Variants in CNIH4 observed in about 807,000 individuals in gnomAD.
CNIH4 encodes cornichon family member 4.
A neutral mutation model predicts 21.5 loss-of-function variants in CNIH4; 9 were observed. That is an observed-to-expected ratio of 0.42 (90% CI 0.25 to 0.73). The LOEUF is 0.73. CNIH4 is among the 30% of genes least tolerant of loss of function. The pLI, the probability that CNIH4 is intolerant of heterozygous loss-of-function variation, is 0.27. For synonymous variants in CNIH4, 67 were observed against 59.1 expected (o/e 1.13, Z -0.61); for missense variants, 159 against 170.0 (o/e 0.94, Z 0.36).
Position 224,379,399 on chromosome 1 carries a change from C to CTAACA in CNIH4, c.*3578_*3582dup, listed in dbSNP as rs1672858933. On this transcript the variant is annotated 3_prime_UTR_variant, in exon 5 of 5. Transcript: ENST00000465271. ...ATCTTCTTCCTTCTGCTCTTGGCAC[C>CTAACA]TAACACAGTGCCTTGCACACAAACA... The CTAACA allele has an allele frequency of 2.6e-6, 1 of 388,222 alleles. No homozygotes were observed. The highest frequency in any genetic ancestry group is 4.8e-6 in the Non-Finnish European group (1 of 206,456). The allele number at this position is 388,222 out of a possible 1,614,324, so 24.0% of individuals were successfully genotyped here.
chr1:224,356,933 G>C lies in CNIH4; in HGVS notation c.9G>C (p.Ala3=), dbSNP rs752728512. The C allele has an allele frequency of 2.5e-6, 4 of 1,610,154 alleles. No homozygotes were observed. The highest frequency in any genetic ancestry group is 1.1e-5 in the South Asian group (1 of 90,098). Residue 3 remains alanine, a synonymous_variant, in exon 1 of 5, where the codon GCG becomes GCC. Transcript: ENST00000465271. The part of the protein sequence containing the change: ME[A]VVFVFSLLDC... ...GGCGACGGAGGAGGAGGATGGAGGC[G>C]GTGGTGTTCGTCTTCTCTCTCCTCG... is the stretch of plus-strand genomic sequence containing the variant.
intron 1 of CNIH4, among the ~76,000 whole-genome samples, chr1:224,358,594 G>C (rs898720624): frequency 1.3e-5 from 2 of 151,894 alleles, no homozygotes; most frequent in Non-Finnish European, 2.9e-5. Context: ...TTTTTTTTAA[G>C]TTCATCAGCT....
chr1:224,356,808 G>A, upstream of CNIH4: 1 of 819,512 alleles, frequency 1.2e-6, no homozygotes, highest in Non-Finnish European at 2.1e-6. Context: ...CTCCCGGCAT[G>A]CCACACCAGG....
chr1:224,366,092 A>C (rs574922913), intron 3 of CNIH4, 101 bp downstream of exon 3: 8 of 766,620 alleles, frequency 1.0e-5, no homozygotes, highest in South Asian at 2.9e-5. Flanking sequence ...CCCAGGCTGG[A>C]GTGCAGTGGT....
In CNIH4 at chr1:224,378,989, C is replaced by G. The variant is rs565640871; in HGVS notation, c.*3167C>G. 2.1e-6 allele frequency: 3 copies of G among 1,402,870 alleles called. No homozygotes were observed. In the East Asian group the frequency reaches 7.5e-5, roughly 35 times the overall value. 86.9% of individuals were successfully genotyped at this position (1,402,870 alleles called of 1,614,324 possible). A position where few individuals can be genotyped will look rare whatever the true frequency, so the allele number is the denominator to read the frequency against. On this transcript the variant is annotated 3_prime_UTR_variant, in exon 5 of 5. Transcript: ENST00000465271. ...ATAATGGCAGTACCCAGGGCCCGGT[C>G]CATAGACTACTATCGAGTGCTCCTA... is the stretch of plus-strand genomic sequence containing the variant.
At chr1:224,369,563 G>A (rs368407088) in intron 3 of CNIH4, among the ~76,000 whole-genome samples, 7 of 152,044 alleles carry the variant, frequency 4.6e-5, no homozygotes, top group Non-Finnish European at 1.0e-4. Context: ...GCAACAGAGC[G>A]AGATTACGTC....
chr1:224,378,943 ACTC>A lies in CNIH4; in HGVS notation c.*3125_*3127del. 3.4e-6 allele frequency: 3 copies of A among 879,178 alleles called. No homozygotes were observed. Among genetic ancestry groups the A allele is most frequent in the Non-Finnish European group, 5.6e-6 (3 of 540,304 alleles). 54.5% of individuals were successfully genotyped at this position (879,178 alleles called of 1,614,324 possible). ...AGTCCAGTGTTCTCTCTCCCTTACCACTCCTCTTCCCCTTCCCTCTATAATGGC... is the reference window on the plus strand; with the variant it reads ...AGTCCAGTGTTCTCTCTCCCTTACCACTCTTCCCCTTCCCTCTATAATGGC... On this transcript the variant is annotated 3_prime_UTR_variant, in exon 5 of 5. Coordinates refer to ENST00000465271, the MANE Select transcript of CNIH4 (RefSeq NM_014184.4).
At chr1:224,368,821 C>T (rs545956528) in intron 3 of CNIH4, among the ~76,000 whole-genome samples, 40 of 152,000 alleles carry the variant, frequency 2.6e-4, no homozygotes, top group Non-Finnish European at 4.4e-4. Context: ...TGTGCCCAGC[C>T]ACAGCTGCAC....
intron 4 of CNIH4, among the ~76,000 whole-genome samples, chr1:224,373,188 A>G (rs1672681562): frequency 6.6e-6 from 1 of 152,356 alleles, no homozygotes; most frequent in South Asian, 2.1e-4. Context: ...TAAGGAGCAA[A>G]AAAAGTTAAT....
intron 1 of CNIH4, among the ~76,000 whole-genome samples, chr1:224,360,061 A>G (rs932039873): frequency 6.6e-6 from 1 of 152,008 alleles, no homozygotes; most frequent in Non-Finnish European, 1.5e-5. Context: ...GCTTGAACCC[A>G]GGAGGCAGGG....
intron 3 of CNIH4, 139 bp downstream of exon 3, chr1:224,366,130 C>G (rs901049369): frequency 1.6e-6 from 1 of 643,672 alleles, no homozygotes; most frequent in South Asian, 1.7e-5. Context: ...CAATTTCTGC[C>G]TCCTCAGTTT....
intron 4 of CNIH4, among the ~76,000 whole-genome samples, chr1:224,372,023 C>T (rs1672646366): frequency 1.3e-5 from 2 of 152,188 alleles, no homozygotes; most frequent in African/African-American, 4.8e-5. Context: ...GCCTCAGCGA[C>T]CATCCCACTC....
chr1:224,372,255 C>T (rs976950253), intron 4 of CNIH4, among the ~76,000 whole-genome samples: 10 of 152,078 alleles, frequency 6.6e-5, no homozygotes, highest in African/African-American at 2.2e-4. Context: ...TTATATAGTC[C>T]TGTTTTAAAT....
chr1:224,379,280 C>T lies in CNIH4; in HGVS notation c.*3458C>T, dbSNP rs1290050082. On this transcript the variant is annotated 3_prime_UTR_variant, in exon 5 of 5. Transcript: ENST00000465271. ...ATAGTAGTATCTCCCATGGCACTTA[C>T]CACATTCTATCTGGTATTACAGTTA... is the stretch of plus-strand genomic sequence containing the variant. 3 of 610,174 alleles carry T rather than the reference C, an allele frequency of 4.9e-6. No individual in the cohort carries two copies. The highest frequency in any genetic ancestry group is 5.6e-5 in the East Asian group (2 of 35,908). 37.8% of individuals were successfully genotyped at this position (610,174 alleles called of 1,614,324 possible).
At chr1:224,365,748 T>C (rs1311234494) in intron 2 of CNIH4, 131 bp from the exon 3 acceptor site, 32 of 684,802 alleles carry the variant, frequency 4.7e-5, no homozygotes, top group Non-Finnish European at 7.8e-5. Context: ...ATCTGGGACA[T>C]GGGAGTCTAA....
intron 3 of CNIH4, 118 bp from the exon 4 acceptor site, chr1:224,371,165 C>T (rs1672613091): frequency 3.8e-6 from 4 of 1,044,548 alleles, no homozygotes; most frequent in South Asian, 1.7e-5. Flanking sequence ...GCATGAGCCA[C>T]AGTACTGGGC....
chr1:224,376,791 T>C lies in CNIH4; in HGVS notation c.*969T>C. ...AACCAAACTCTGTTCCTTGGAGTTA[T>C]ATTGTAAACTCTTGCAGGTGGGAGA... On this transcript the variant is annotated 3_prime_UTR_variant, in exon 5 of 5. Transcript: ENST00000465271. 2.1e-6 allele frequency: 2 copies of C among 931,164 alleles called. No individual in the cohort carries two copies. The highest frequency in any genetic ancestry group is 2.4e-5 in the African/African-American group (1 of 41,786). 57.7% of individuals were successfully genotyped at this position (931,164 alleles called of 1,614,324 possible).
intron 3 of CNIH4, among the ~76,000 whole-genome samples, chr1:224,369,616 C>T (rs939341796): frequency 5.3e-5 from 8 of 151,244 alleles, no homozygotes; most frequent in South Asian, 4.2e-4. Context: ...ATAACTGGAT[C>T]GTTTGTAACA....
chr1:224,356,872 T>G, upstream of CNIH4: 1 of 1,501,882 alleles, frequency 6.7e-7, no homozygotes, highest in Non-Finnish European at 9.1e-7. Flanking sequence ...CAGGGGTGGG[T>G]CGGGGCATCC....
Sources: gnomAD v4.1 joint callset for allele counts (sites outside exome capture counted in the v4.1 genomes callset) on GRCh38, gnomAD v4.1.1 for gene constraint, MANE v1.5 for transcripts, NCBI Gene and HGNC (gene_info 2026-07-23, HGNC 2026-07-21) for gene names.